The following PLEKHD1 variants were observed in gnomAD, a reference collection of about 807,000 sequenced individuals.
PLEKHD1 encodes pleckstrin homology and coiled-coil domain containing D1, also known as pleckstrin homology domain-containing family D member 1.
In PLEKHD1, 51 loss-of-function variants were observed where a neutral mutation model predicts 69.2. The ratio of observed to expected loss-of-function variants is 0.74; its 90% CI spans 0.59 to 0.93. The LOEUF is 0.93. Ranked by LOEUF, PLEKHD1 falls within the 40% of genes least tolerant of loss-of-function variation. PLEKHD1 has a pLI of 0.00. For synonymous variants in PLEKHD1, 236 were observed against 244.7 expected (o/e 0.96, Z 0.33); for missense variants, 584 against 641.0 (o/e 0.91, Z 0.96).
chr14:69,503,753 T>A (rs1052103052), intron 6 of PLEKHD1: 1 of 149,364 alleles, frequency 6.7e-6, no homozygotes, highest in Non-Finnish European at 1.5e-5. Context: ...AGTCCCAGCT[T>A]TTCGGGCAGC....
At chr14:69,505,987 G>A (rs1374419953) in intron 6 of PLEKHD1, among the ~76,000 whole-genome samples, 1 of 152,216 alleles carries the variant, frequency 6.6e-6, no homozygotes, top group Non-Finnish European at 1.5e-5. Context: ...AGCAGGTGCA[G>A]GAGAAAAATC....
At chr14:69,526,931 T>C in intron 10 of PLEKHD1, 102 bp downstream of exon 10, 4 of 1,420,832 alleles carry the variant, frequency 2.8e-6, no homozygotes, top group Non-Finnish European at 3.7e-6. Flanking sequence ...TCTCTGTCAG[T>C]CTGACCAGAC....
chr14:69,470,905 C>T, the PLEKHD1 span, among the ~76,000 whole-genome samples: 1 of 151,918 alleles, frequency 6.6e-6, no homozygotes, highest in African/African-American at 2.4e-5. Context: ...CATTCTCCTG[C>T]CTCAGCCTCC....
At chr14:69,469,099 T>C in the PLEKHD1 span, among the ~76,000 whole-genome samples, 2 of 152,152 alleles carry the variant, frequency 1.3e-5, no homozygotes, top group Non-Finnish European at 2.9e-5. Flanking sequence ...GGAAGAAAGA[T>C]ACCCTGAGAG....
At chr14:69,485,495 T>G (rs1308532052) in intron 1 of PLEKHD1, among the ~76,000 whole-genome samples, 1 of 152,052 alleles carries the variant, frequency 6.6e-6, no homozygotes, top group Non-Finnish European at 1.5e-5. Context: ...CCACTGTCAA[T>G]TCCATCGTCT....
chr14:69,527,031 C>G (rs1176429223), intron 10 of PLEKHD1, among the ~76,000 whole-genome samples, 157 bp from the exon 11 acceptor site: 3 of 152,204 alleles, frequency 2.0e-5, no homozygotes, highest in Admixed American at 6.5e-5. Context: ...GGTGCCAAGT[C>G]CAGTCCATCT....
At chr14:69,471,469 T>C in the PLEKHD1 span, among the ~76,000 whole-genome samples, 1 of 152,036 alleles carries the variant, frequency 6.6e-6, no homozygotes. Flanking sequence ...GCTCAGGCAT[T>C]CTGGCTCCTG....
At position 69,488,572 on chromosome 14, in the gene PLEKHD1, C is replaced by A. The variant is rs570803180; in HGVS notation, c.149+3458C>A. Among the ~76,000 whole-genome samples, 14 of 152,252 alleles carry A rather than the reference C, an allele frequency of 9.2e-5. No individual in the cohort carries two copies. In the South Asian group the frequency reaches 2.3e-3, roughly 25 times the overall value. On this transcript the variant is annotated intron_variant, in intron 1 of 12. Transcript: ENST00000322564. ...AAAAAATAAACTTCTATTCTTCAAA[C>A]TTCTACCAGAGTGGCAACATAGGGT...
Position 69,526,723 on chromosome 14 carries a change from G to A in PLEKHD1, c.950G>A (p.Arg317Gln), listed in dbSNP as rs892481639. The change falls in exon 10 of 13, where the codon CGG (arginine) becomes CAG (glutamine). Residue 317 changes from arginine to glutamine, a missense_variant. Arg to Gln is a conservative substitution (Grantham distance 43). Transcript: ENST00000322564. ...KRMKENEERS[R>Q]ALEEEREFYS... ...ATGAAGGAGAACGAGGAGCGCTCAC[G>A]GGCCCTGGAGGAGGAGCGTGAGTTC... is the stretch of plus-strand genomic sequence containing the variant. 1.2e-5 allele frequency: 18 copies of A among 1,543,028 alleles called. No homozygotes were observed. Among genetic ancestry groups the A allele is most frequent in the African/African-American group, 4.1e-5 (3 of 72,690 alleles).
chr14:69,515,293 C>T (rs988913444), intron 6 of PLEKHD1, among the ~76,000 whole-genome samples: 3 of 152,180 alleles, frequency 2.0e-5, no homozygotes, highest in Non-Finnish European at 2.9e-5. Flanking sequence ...CCTGGTAGAG[C>T]TCCTGGAGTT....
the PLEKHD1 span, among the ~76,000 whole-genome samples, chr14:69,475,942 G>A: frequency 2.0e-5 from 3 of 152,178 alleles, no homozygotes; most frequent in Non-Finnish European, 4.4e-5. Flanking sequence ...ATTCAACCAA[G>A]GGGAGGAGGA....
upstream of PLEKHD1, among the ~76,000 whole-genome samples, chr14:69,480,789 A>G (rs148873394): frequency 2.3e-3 from 354 of 152,232 alleles, 6 homozygotes; most frequent in Admixed American, 0.021. Context: ...AATAGCTGGG[A>G]TTACAGGCAT....
At chr14:69,474,420 C>A in the PLEKHD1 span, among the ~76,000 whole-genome samples, 4 of 152,324 alleles carry the variant, frequency 2.6e-5, no homozygotes, top group East Asian at 7.7e-4. Flanking sequence ...TTTCTGCTAA[C>A]TCCGAATTTT....
chr14:69,469,179 CAGAG>C, the PLEKHD1 span, among the ~76,000 whole-genome samples: 1,307 of 149,512 alleles, frequency 8.7e-3, 26 homozygotes, highest in African/African-American at 0.031. Flanking sequence ...CACATGTACA[CAGAG>C]AGAGAGAGAG....
the PLEKHD1 span, among the ~76,000 whole-genome samples, chr14:69,467,862 CAGG>C: frequency 5.3e-5 from 8 of 152,178 alleles, no homozygotes; most frequent in African/African-American, 1.4e-4. Context: ...TATTTGTGAA[CAGG>C]AGGCACCTCA....
At chr14:69,472,358 G>A in the PLEKHD1 span, among the ~76,000 whole-genome samples, 1 of 152,212 alleles carries the variant, frequency 6.6e-6, no homozygotes, top group East Asian at 1.9e-4. Context: ...TGTCTGGAAT[G>A]CTCTTCCCCC....
rs1202842453 is a variant in PLEKHD1, at chr14:69,484,996, C to T, written c.31C>T (p.Pro11Ser). 3.2e-6 allele frequency: 5 copies of T among 1,551,232 alleles called. No homozygotes were observed. Among genetic ancestry groups the T allele is most frequent in the Admixed American group, 2.0e-5 (1 of 51,008 alleles). The change falls in exon 1 of 13, where the codon CCC becomes TCC. Residue 11 changes from proline to serine, a missense_variant. By Grantham distance (74) the Pro-to-Ser change is moderately conservative. Coordinates refer to ENST00000322564, the MANE Select transcript of PLEKHD1 (RefSeq NM_001161498.2). Reference sequence around the variant, plus strand: ...CACGTCCAAGTCCAACTCGGTGTCGCCCTCGCCGTCCCTGGAGCAGGCTGA... The same window carrying T: ...CACGTCCAAGTCCAACTCGGTGTCGTCCTCGCCGTCCCTGGAGCAGGCTGA... MFTSKSNSVS[P>S]SPSLEQADSD...
rs547294689 is a variant in PLEKHD1, at chr14:69,530,211, C to T, written c.*1792C>T. The T allele has an allele frequency of 4.6e-5, 7 of 152,326 alleles. No homozygotes were observed. Among genetic ancestry groups the T allele is most frequent in the African/African-American group, 7.2e-5 (3 of 41,558 alleles). The allele number at this position is 152,326 out of a possible 1,614,324, so 9.4% of individuals were successfully genotyped here. ...GCTGCTAGGCTGGCCGAGCCCAGGC[C>T]GGGCTGCCCTGCTCTTTGCTCAGTG... On this transcript the variant is annotated 3_prime_UTR_variant, in exon 13 of 13. Transcript: ENST00000322564.
chr14:69,495,103 AC>A (rs2139499216), intron 1 of PLEKHD1, among the ~76,000 whole-genome samples: 1 of 152,226 alleles, frequency 6.6e-6, no homozygotes, highest in East Asian at 1.9e-4. Context: ...TCTGGCCCTC[AC>A]AGAGCAAAGA....
Sources: gnomAD v4.1 joint callset for allele counts (sites outside exome capture counted in the v4.1 genomes callset) on GRCh38, gnomAD v4.1.1 for gene constraint, MANE v1.5 for transcripts, NCBI Gene and HGNC (gene_info 2026-07-23, HGNC 2026-07-21) for gene names.